The following C12orf76 variants were observed in gnomAD, a reference collection of about 807,000 sequenced individuals.
C12orf76 encodes the protein chromosome 12 open reading frame 76, also known as uncharacterized protein C12orf76.
In C12orf76, 6 loss-of-function variants were observed where a neutral mutation model predicts 6.8. The observed-to-expected ratio is 0.88, with a 90% CI of 0.48 to 1.73. The LOEUF is 1.73. Ranked by LOEUF, C12orf76 falls within the 40% of genes most tolerant of loss-of-function variation. The pLI, the probability that C12orf76 is intolerant of heterozygous loss-of-function variation, is 0.01. For synonymous variants in C12orf76, 56 were observed against 43.7 expected (o/e 1.28, Z -1.11); for missense variants, 99 against 98.2 (o/e 1.01, Z -0.03).
intron 1 of C12orf76, among the ~76,000 whole-genome samples, chr12:110,043,441 A>G (rs1232626598): frequency 6.6e-6 from 1 of 152,168 alleles, no homozygotes; most frequent in East Asian, 1.9e-4. Context: ...GCAAGAGAGC[A>G]GGATGCCCAA....
upstream of C12orf76, chr12:110,049,869 T>C (rs1475861304): frequency 6.6e-6 from 1 of 152,154 alleles, no homozygotes; most frequent in Admixed American, 6.5e-5. Flanking sequence ...CCCTGCCCTG[T>C]TCTGTTTCTC....
At chr12:110,068,268 G>GAAGAA (rs1555253399), upstream of C12orf76, among the ~76,000 whole-genome samples, 1 of 122,440 alleles carries the variant, frequency 8.2e-6, no homozygotes, top group African/African-American at 3.0e-5. Flanking sequence ...AGAAGAAGAA[G>GAAGAA]AAGAAGAAGA....
chr12:110,051,484 T>C (rs541546678), upstream of C12orf76, among the ~76,000 whole-genome samples: 92 of 151,978 alleles, frequency 6.1e-4, no homozygotes, highest in Non-Finnish European at 1.0e-3. Context: ...TGGAGTGCAG[T>C]GGTGTGATCT....
intron 3 of C12orf76, among the ~76,000 whole-genome samples, chr12:110,058,140 T>G (rs916640109): frequency 6.7e-6 from 1 of 149,970 alleles, no homozygotes; most frequent in Non-Finnish European, 1.5e-5. Flanking sequence ...AACTTTTGAG[T>G]GTCTTCTAGA....
intron 1 of C12orf76, among the ~76,000 whole-genome samples, chr12:110,066,960 A>C (rs1375288330): frequency 1.3e-5 from 2 of 152,326 alleles, no homozygotes; most frequent in East Asian, 3.9e-4. Context: ...TATTGGCCCC[A>C]GTGGAGGCTA....
chr12:110,057,851 G>C (rs1892697426), intron 3 of C12orf76, among the ~76,000 whole-genome samples: 1 of 151,890 alleles, frequency 6.6e-6, no homozygotes, highest in Non-Finnish European at 1.5e-5. Context: ...ATAACTCGAG[G>C]TCAGGAGTTT....
upstream of C12orf76, among the ~76,000 whole-genome samples, chr12:110,051,587 AG>A (rs529694548): frequency 2.9e-3 from 433 of 151,856 alleles, 7 homozygotes; most frequent in African/African-American, 9.9e-3. Flanking sequence ...CCACCACACC[AG>A]GCTAATTTTT....
At chr12:110,065,137 T>C (rs537702455) in intron 2 of C12orf76, among the ~76,000 whole-genome samples, 112 of 151,864 alleles carry the variant, frequency 7.4e-4, no homozygotes, top group African/African-American at 2.6e-3. Context: ...TGTATACATA[T>C]ATGTGTGTGT....
At position 110,042,305 on chromosome 12, in the gene C12orf76, T is replaced by C. The variant is rs757871041; in HGVS notation, c.*69A>G. The C allele has an allele frequency of 1.4e-5, 19 of 1,335,866 alleles. No homozygotes were observed. In the Admixed American group the frequency reaches 2.9e-4, roughly 20 times the overall value. 82.8% of individuals were successfully genotyped at this position (1,335,866 alleles called of 1,614,324 possible). ...AAGTAGGAAAGTTTTGGTTCCAACT[T>C]CTCCACTGGCCTGTGTGCAACACAA... On this transcript the variant is annotated 3_prime_UTR_variant, in exon 2 of 2. Transcript: ENST00000615315.
intron 2 of C12orf76, among the ~76,000 whole-genome samples, chr12:110,063,591 G>A (rs997343759): frequency 1.7e-4 from 24 of 144,728 alleles, no homozygotes; most frequent in Non-Finnish European, 2.9e-4. Flanking sequence ...CGCCTGGTGA[G>A]GGATTTTTAT....
At position 110,048,489 on chromosome 12, in the gene C12orf76, G is replaced by T; in HGVS notation, c.7C>A (p.Arg3Ser). The T allele has an allele frequency of 2.1e-6, 3 of 1,446,156 alleles. No individual in the cohort carries two copies. The East Asian group carries it at 8.5e-5, about 41-fold the overall frequency. 89.6% of individuals were successfully genotyped at this position (1,446,156 alleles called of 1,614,324 possible). ...AGGTACAGCCACGGTAACGCTGGAC[G>T]CAGCATCTTCCCCAGCCCTGCAGAA... ML[R>S]PALPWLYLGL... The change falls in exon 1 of 2, where the codon CGT becomes AGT. Residue 3 changes from arginine (R) to serine (S), a missense_variant. Physicochemically the swap from Arg to Ser is moderately radical, Grantham distance 110 (BLOSUM62 -1). Coordinates refer to ENST00000615315, the MANE Select transcript of C12orf76 (RefSeq NM_001389625.1).
chr12:110,044,939 C>T (rs1892410642), intron 1 of C12orf76, among the ~76,000 whole-genome samples: 3 of 152,002 alleles, frequency 2.0e-5, no homozygotes, highest in Non-Finnish European at 4.4e-5. Context: ...CGCCACTGCA[C>T]TCCAGCCTGG....
chr12:110,061,186 C>T (rs910892873), intron 2 of C12orf76, among the ~76,000 whole-genome samples: 2 of 151,988 alleles, frequency 1.3e-5, no homozygotes, highest in African/African-American at 4.8e-5. Flanking sequence ...ACTTCGAACT[C>T]AATGCCTTCA....
chr12:110,041,421 G>T lies in C12orf76; in HGVS notation c.*953C>A. ...ATAAATATTGACGACAGCTTTATAA[G>T]TATGAAAGTATCATTTCAATAGGAG... On this transcript the variant is annotated 3_prime_UTR_variant, in exon 2 of 2. Coordinates refer to ENST00000615315, the MANE Select transcript of C12orf76 (RefSeq NM_001389625.1). 6.5e-6 allele frequency: 1 copy of T among 152,682 alleles called. No individual in the cohort carries two copies. Among genetic ancestry groups the T allele is most frequent in the African/African-American group, 2.4e-5 (1 of 41,576 alleles). The allele number at this position is 152,682 out of a possible 1,614,324, so 9.5% of individuals were successfully genotyped here. A position where few individuals can be genotyped will look rare whatever the true frequency, so the allele number is the denominator to read the frequency against.
chr12:110,050,458 G>A (rs1892556178), upstream of C12orf76: 1 of 154,926 alleles, frequency 6.5e-6, no homozygotes, highest in African/African-American at 2.4e-5. Flanking sequence ...GTCACAGGAT[G>A]ATATAGGAGG....
upstream of C12orf76, among the ~76,000 whole-genome samples, chr12:110,071,877 C>G (rs1892963499): frequency 6.6e-6 from 1 of 152,168 alleles, no homozygotes; most frequent in South Asian, 2.1e-4. Context: ...TAAAAGGGTG[C>G]AGCTGCTGTG....
rs186255896 is a variant in C12orf76 at position 110,066,474 on chromosome 12, G to C, written n.207-441C>G. On this transcript the variant is annotated intron_variant and non_coding_transcript_variant, in intron 1 of 4. Transcript: ENST00000309050. ...AGGCCGAGGCCAGCAGATCACCTGAGGTCGGGAGTTTGAGACCAGCCTGAC... is the reference window on the plus strand; with the variant it reads ...AGGCCGAGGCCAGCAGATCACCTGACGTCGGGAGTTTGAGACCAGCCTGAC... Among the ~76,000 whole-genome samples the C allele has an allele frequency of 1.8e-3, 276 of 150,890 alleles. 2 individuals are homozygous for C. Among genetic ancestry groups the C allele is most frequent in the Middle Eastern group, 6.8e-3 (2 of 292 alleles).
intron 3 of C12orf76, among the ~76,000 whole-genome samples, chr12:110,057,539 T>C (rs1892690170): frequency 6.6e-6 from 1 of 151,994 alleles, no homozygotes; most frequent in African/African-American, 2.4e-5. Flanking sequence ...CTCTAGGCCA[T>C]GGTGGGGGCT....
exon 3 of C12orf76, chr12:110,059,006 C>G (rs1485549521): frequency 1.3e-6 from 2 of 1,548,802 alleles, no homozygotes; most frequent in Non-Finnish European, 1.7e-6. Flanking sequence ...AATAGCCGAA[C>G]AAACTGTGGT....
Sources: gnomAD v4.1 joint callset for allele counts (sites outside exome capture counted in the v4.1 genomes callset) on GRCh38, gnomAD v4.1.1 for gene constraint, MANE v1.5 for transcripts, NCBI Gene and HGNC (gene_info 2026-07-23, HGNC 2026-07-21) for gene names.